ENOX1: variants seen among roughly 807,000 people sequenced by gnomAD.
The protein encoded by ENOX1 is ecto-NOX disulfide-thiol exchanger 1.
In ENOX1, 42 loss-of-function variants were observed where a neutral mutation model predicts 82.5. That is an observed-to-expected ratio of 0.51 (90% CI 0.40 to 0.66). ENOX1 has a LOEUF of 0.66. Among genes scored for constraint, ENOX1 ranks in the 30% least tolerant of loss-of-function variants. The pLI is 0.00. For missense variants in ENOX1, 608 were observed against 811.6 expected (o/e 0.75, Z 3.05); for synonymous variants, 271 against 282.2 (o/e 0.96, Z 0.40).
chr13:43,661,806 G>A (rs1440255786), intron 2 of ENOX1, among the ~76,000 whole-genome samples: 1 of 152,178 alleles, frequency 6.6e-6, no homozygotes, highest in Admixed American at 6.5e-5. Flanking sequence ...CAGTGAAGTA[G>A]TTTTTAAACT....
intron 2 of ENOX1, among the ~76,000 whole-genome samples, chr13:43,563,178 C>T (rs1426830032): frequency 3.9e-5 from 6 of 152,108 alleles, no homozygotes; most frequent in South Asian, 4.1e-4. Flanking sequence ...AATAAAATCA[C>T]ATCAAGTATC....
At chr13:43,515,268 C>T (rs548356765) in intron 2 of ENOX1, among the ~76,000 whole-genome samples, 6 of 152,104 alleles carry the variant, frequency 3.9e-5, no homozygotes, top group East Asian at 1.9e-4. Context: ...TTAAAATGCA[C>T]GTTCCTGGAT....
At chr13:43,593,868 C>T (rs760877454) in intron 2 of ENOX1, among the ~76,000 whole-genome samples, 2 of 152,092 alleles carry the variant, frequency 1.3e-5, no homozygotes, top group Non-Finnish European at 2.9e-5. Flanking sequence ...TTATGAAGCA[C>T]GCTAAAACTG....
intron 10 of ENOX1, among the ~76,000 whole-genome samples, chr13:43,325,508 A>G (rs756858089): frequency 6.6e-6 from 1 of 152,242 alleles, no homozygotes; most frequent in Non-Finnish European, 1.5e-5. Context: ...GATTGATATC[A>G]TAGTACTTTG....
intron 9 of ENOX1, among the ~76,000 whole-genome samples, chr13:43,328,867 A>G (rs930813661): frequency 6.6e-6 from 1 of 152,260 alleles, no homozygotes; most frequent in Admixed American, 6.5e-5. Flanking sequence ...GTTAGCTACC[A>G]GGAACTTGAT....
At chr13:43,333,611 A>G (rs1383386380) in intron 9 of ENOX1, among the ~76,000 whole-genome samples, 1 of 152,184 alleles carries the variant, frequency 6.6e-6, no homozygotes, top group Admixed American at 6.5e-5. Flanking sequence ...TATGAAAATC[A>G]TATAATGGTA....
intron 1 of ENOX1, among the ~76,000 whole-genome samples, chr13:43,758,546 G>C (rs919307048): frequency 1.3e-5 from 2 of 152,178 alleles, no homozygotes; most frequent in Non-Finnish European, 2.9e-5. Flanking sequence ...AAAGTGTCCT[G>C]TATCTATGTC....
intron 2 of ENOX1, among the ~76,000 whole-genome samples, chr13:43,581,670 A>G (rs2153719206): frequency 6.6e-6 from 1 of 152,324 alleles, no homozygotes; most frequent in Admixed American, 6.5e-5. Context: ...CCTAGTGGGT[A>G]TTTTTGATTG....
intron 2 of ENOX1, among the ~76,000 whole-genome samples, chr13:43,665,449 G>A (rs1457473928): frequency 2.0e-5 from 3 of 152,122 alleles, no homozygotes; most frequent in Admixed American, 6.6e-5. Flanking sequence ...GGAAGAAGAC[G>A]CGATTAGGGC....
At chr13:43,216,193 G>C (rs986777394) in intron 16 of ENOX1, among the ~76,000 whole-genome samples, 1 of 148,962 alleles carries the variant, frequency 6.7e-6, no homozygotes, top group Admixed American at 6.7e-5. Flanking sequence ...GAGAGACTCC[G>C]TCTCAAAAAA....
At chr13:43,627,284 ATGTTAGGGCTTCAGTC>A (rs1193417046) in intron 2 of ENOX1, among the ~76,000 whole-genome samples, 2 of 151,956 alleles carry the variant, frequency 1.3e-5, no homozygotes, top group Non-Finnish European at 2.9e-5. Context: ...AATTATTGAT[ATGTTAGGGCTTCAGTC>A]TGTTATCTTT....
intron 11 of ENOX1, among the ~76,000 whole-genome samples, chr13:43,321,282 TA>T (rs2047792473): frequency 6.6e-6 from 1 of 152,254 alleles, no homozygotes; most frequent in South Asian, 2.1e-4. Context: ...TGGGGCCTGC[TA>T]ACTTACATTT....
intron 2 of ENOX1, among the ~76,000 whole-genome samples, chr13:43,575,140 G>A (rs1441316256): frequency 1.3e-5 from 2 of 152,148 alleles, no homozygotes; most frequent in African/African-American, 4.8e-5. Context: ...TGAATCGCTT[G>A]GCCCTTTAAT....
intron 5 of ENOX1, among the ~76,000 whole-genome samples, chr13:43,375,364 G>T (rs576756483): frequency 1.3e-5 from 2 of 152,250 alleles, no homozygotes; most frequent in East Asian, 1.9e-4. Flanking sequence ...CCATGTTAGG[G>T]TCAGCCAGTT....
intron 1 of ENOX1, among the ~76,000 whole-genome samples, chr13:43,709,318 C>G (rs1350945824): frequency 6.6e-6 from 1 of 151,750 alleles, no homozygotes; most frequent in East Asian, 1.9e-4. Context: ...TATGACCATA[C>G]TATGTAGTAA....
At chr13:43,336,664 T>C (rs527457301) in intron 9 of ENOX1, among the ~76,000 whole-genome samples, 10 of 152,326 alleles carry the variant, frequency 6.6e-5, no homozygotes, top group African/African-American at 2.4e-4. Flanking sequence ...AACCTCATGG[T>C]TGGGTCCTGG....
intron 2 of ENOX1, among the ~76,000 whole-genome samples, chr13:43,648,823 A>G (rs545123581): frequency 6.6e-6 from 1 of 152,190 alleles, no homozygotes; most frequent in African/African-American, 2.4e-5. Context: ...TTTCAGTGAG[A>G]GTACTCAGCG....
chr13:43,480,312 C>T (rs1004381292), intron 3 of ENOX1, among the ~76,000 whole-genome samples: 5 of 152,176 alleles, frequency 3.3e-5, no homozygotes, highest in Non-Finnish European at 5.9e-5. Context: ...AATGCCAATA[C>T]TGCCCTGATG....
At chr13:43,663,971 CAG>C (rs2084854240) in intron 2 of ENOX1, among the ~76,000 whole-genome samples, 1 of 152,070 alleles carries the variant, frequency 6.6e-6, no homozygotes, top group African/African-American at 2.4e-5. Flanking sequence ...ATGGACCCAT[CAG>C]AGGGAGAGGC....
Sources: allele counts gnomAD v4.1 joint callset (sites outside exome capture counted in the v4.1 genomes callset), GRCh38; gene constraint gnomAD v4.1.1; transcripts MANE v1.5; gene names NCBI Gene and HGNC (gene_info 2026-07-23, HGNC 2026-07-21).